The following SCUBE1 variants were observed in gnomAD, a reference collection of about 807,000 sequenced individuals.
SCUBE1 encodes the protein signal peptide, CUB domain and EGF like domain containing 1.
SCUBE1 carries 59 observed loss-of-function variants against 124.4 expected under a neutral mutation model. That is an observed-to-expected ratio of 0.47 (90% CI 0.38 to 0.59). The LOEUF is 0.59. Ranked by LOEUF, SCUBE1 falls within the 20% of genes least tolerant of loss-of-function variation. The pLI is 0.00. For synonymous variants in SCUBE1, 545 were observed against 550.9 expected (o/e 0.99, Z 0.15); for missense variants, 1,150 against 1,371.2 (o/e 0.84, Z 2.55).
chr22:43,247,560 AGCTGGGAGCT>A (rs138460924), intron 6 of SCUBE1, among the ~76,000 whole-genome samples: 4,539 of 152,286 alleles, frequency 0.03, 71 homozygotes, highest in African/African-American at 0.034. Flanking sequence ...CGCCTCAGGA[AGCTGGGAGCT>A]GCTGGGAGCT....
intron 6 of SCUBE1, among the ~76,000 whole-genome samples, chr22:43,251,550 T>C (rs1923449277): frequency 6.6e-6 from 1 of 151,880 alleles, no homozygotes; most frequent in South Asian, 2.1e-4. Flanking sequence ...GCAGCAGAGG[T>C]GGGTCAGAAA....
At chr22:43,209,739 C>T (rs1330683360) in intron 19 of SCUBE1, among the ~76,000 whole-genome samples, 5 of 152,240 alleles carry the variant, frequency 3.3e-5, no homozygotes, top group African/African-American at 4.8e-5. Context: ...CGGCTGGTCC[C>T]GCCACTGGGA....
intron 4 of SCUBE1, among the ~76,000 whole-genome samples, chr22:43,268,586 G>C (rs974034270): frequency 6.6e-6 from 1 of 152,260 alleles, no homozygotes; most frequent in African/African-American, 2.4e-5. Flanking sequence ...ACAGTGTCAG[G>C]TCCACATTCA....
chr22:43,300,694 A>C (rs1169327158), intron 3 of SCUBE1, among the ~76,000 whole-genome samples: 1 of 152,104 alleles, frequency 6.6e-6, no homozygotes, highest in Admixed American at 6.6e-5. Context: ...CCTCCTTTCA[A>C]GCAGCCTCAG....
At chr22:43,269,583 C>G (rs1170535445) in intron 4 of SCUBE1, among the ~76,000 whole-genome samples, 1 of 152,142 alleles carries the variant, frequency 6.6e-6, no homozygotes, top group African/African-American at 2.4e-5. Context: ...GGATGGCAAG[C>G]TGGGAACGGC....
chr22:43,290,098 G>A (rs1348927283), intron 4 of SCUBE1, among the ~76,000 whole-genome samples: 4 of 152,156 alleles, frequency 2.6e-5, no homozygotes, highest in East Asian at 1.9e-4. Context: ...CTCCTGCCCT[G>A]CCCTCACAGC....
At chr22:43,267,503 G>A (rs374630671) in intron 4 of SCUBE1, among the ~76,000 whole-genome samples, 228 of 152,306 alleles carry the variant, frequency 1.5e-3, no homozygotes, top group Non-Finnish European at 2.4e-3. Context: ...TGGGAAATTC[G>A]CAGCACATGA....
chr22:43,268,289 G>A (rs569481143), intron 4 of SCUBE1, among the ~76,000 whole-genome samples: 109 of 152,366 alleles, frequency 7.2e-4, no homozygotes, highest in Non-Finnish European at 1.0e-3. Context: ...GGGAGCCATA[G>A]GACAGCTCCC....
intron 3 of SCUBE1, among the ~76,000 whole-genome samples, chr22:43,312,496 G>A (rs1227682637): frequency 6.6e-6 from 1 of 152,206 alleles, no homozygotes; most frequent in East Asian, 1.9e-4. Context: ...GTTGGGGGGA[G>A]GCTGGTGGGG....
intron 15 of SCUBE1, among the ~76,000 whole-genome samples, chr22:43,216,656 T>C (rs116919886): frequency 0.16 from 24,210 of 151,574 alleles, 2,820 homozygotes; most frequent in African/African-American, 0.33. Flanking sequence ...GTCTCAAAAA[T>C]AAAAACAAAC....
intron 4 of SCUBE1, among the ~76,000 whole-genome samples, chr22:43,287,930 C>A (rs1288347294): frequency 6.6e-6 from 1 of 152,216 alleles, no homozygotes; most frequent in Non-Finnish European, 1.5e-5. Context: ...CCCTGTCTCC[C>A]CAATGGGCAT....
At chr22:43,246,189 TC>T (rs902575679) in intron 6 of SCUBE1, among the ~76,000 whole-genome samples, 2 of 152,088 alleles carry the variant, frequency 1.3e-5, no homozygotes, top group African/African-American at 4.8e-5. Flanking sequence ...GTGGCCAGTC[TC>T]CCCCTGCCCT....
chr22:43,311,646 C>T (rs1208875308), intron 3 of SCUBE1, among the ~76,000 whole-genome samples: 1 of 151,356 alleles, frequency 6.6e-6, no homozygotes, highest in Non-Finnish European at 1.5e-5. Flanking sequence ...AGGCTGGTCT[C>T]GAACTCCTGA....
chr22:43,334,701 A>AC (rs1186956609), intron 2 of SCUBE1, among the ~76,000 whole-genome samples: 1 of 151,306 alleles, frequency 6.6e-6, no homozygotes, highest in Non-Finnish European at 1.5e-5. Flanking sequence ...CATTATCATC[A>AC]CCCCCATCAC....
chr22:43,212,794 T>C (rs1921627620), intron 16 of SCUBE1: 2 of 590,622 alleles, frequency 3.4e-6, no homozygotes. Flanking sequence ...ATGCCAGCGG[T>C]TCATGTGCGG....
chr22:43,328,167 C>T (rs1356035825), intron 2 of SCUBE1, among the ~76,000 whole-genome samples: 1 of 152,182 alleles, frequency 6.6e-6, no homozygotes, highest in Non-Finnish European at 1.5e-5. Flanking sequence ...TCCTTTCTCC[C>T]TCAAAAATGC....
chr22:43,244,117 G>A lies in SCUBE1; in HGVS notation c.728-5163C>T, dbSNP rs1055001042. ...GGGCATGAAATAAGGCCCAGACCTC[G>A]CCTTTCTCTCCTGGGTCTGCGCCTT... is the stretch of plus-strand genomic sequence containing the variant. On this transcript the variant is annotated intron_variant, in intron 6 of 21. Coordinates refer to ENST00000360835, the MANE Select transcript of SCUBE1 (RefSeq NM_173050.5). 5.9e-5 allele frequency among the ~76,000 whole-genome samples: 9 copies of A among 152,016 alleles called. No individual in the cohort carries two copies. The East Asian group carries it at 9.7e-4, about 16-fold the overall frequency.
In SCUBE1 at chr22:43,330,952, CG is replaced by C. The variant is rs1459959744; in HGVS notation, c.220+8151del. On this transcript the variant is annotated intron_variant, in intron 2 of 21. Coordinates refer to ENST00000360835, the MANE Select transcript of SCUBE1 (RefSeq NM_173050.5). ...GGAGAAGAATTTCCCCTTCTCTCCC[CG>C]CTGAGCCTCCCACCGCCTACTGCCT... Among the ~76,000 whole-genome samples, 3 of 152,190 alleles carry C rather than the reference CG, an allele frequency of 2.0e-5. No individual in the cohort carries two copies. The East Asian group carries it at 5.8e-4, about 29-fold the overall frequency.
At chr22:43,339,760 C>G (rs866202371) in intron 1 of SCUBE1, among the ~76,000 whole-genome samples, 2 of 70,946 alleles carry the variant, frequency 2.8e-5, no homozygotes. Flanking sequence ...ACCCTCCCCC[C>G]ACTCTCCTCA....
Sources: gnomAD v4.1 joint callset for allele counts (sites outside exome capture counted in the v4.1 genomes callset) on GRCh38, gnomAD v4.1.1 for gene constraint, MANE v1.5 for transcripts, NCBI Gene and HGNC (gene_info 2026-07-23, HGNC 2026-07-21) for gene names.